TMEM108: variants seen among roughly 807,000 people sequenced by gnomAD.
TMEM108 encodes cancer/testis antigen 124.
In TMEM108, 12 loss-of-function variants were observed where a neutral mutation model predicts 35.1. The ratio of observed to expected loss-of-function variants is 0.34; its 90% CI spans 0.22 to 0.55. TMEM108 has a LOEUF of 0.55. Ranked by LOEUF, TMEM108 falls within the 20% of genes least tolerant of loss-of-function variation. The probability of loss-of-function intolerance (pLI) is 0.89; values close to 1 mark genes in which losing one functional copy is unlikely to be tolerated. For missense variants in TMEM108, 680 were observed against 753.3 expected, an observed-to-expected ratio of 0.90 and a Z score of 1.14; for synonymous variants, 287 against 308.6, an observed-to-expected ratio of 0.93 and a Z score of 0.73.
intron 2 of TMEM108, among the ~76,000 whole-genome samples, chr3:133,170,310 A>T (rs1456027220): frequency 1.3e-5 from 2 of 152,242 alleles, no homozygotes; most frequent in African/African-American, 4.8e-5. Flanking sequence ...AAGACAATGG[A>T]GGCCACCCAA....
intron 1 of TMEM108, among the ~76,000 whole-genome samples, chr3:133,040,589 T>G (rs909333360): frequency 6.6e-6 from 1 of 152,150 alleles, no homozygotes; most frequent in Non-Finnish European, 1.5e-5. Flanking sequence ...CACTTTTATT[T>G]TCAGAGGAGA....
chr3:133,127,368 C>T (rs1944430377), intron 2 of TMEM108, among the ~76,000 whole-genome samples: 1 of 152,222 alleles, frequency 6.6e-6, no homozygotes, highest in Non-Finnish European at 1.5e-5. Context: ...GAAAGGACTG[C>T]TTTCTCTAGC....
chr3:133,179,545 C>T (rs1196134207), intron 2 of TMEM108, among the ~76,000 whole-genome samples: 5 of 151,978 alleles, frequency 3.3e-5, no homozygotes, highest in Non-Finnish European at 5.9e-5. Context: ...TCTCAGCAAA[C>T]TATCACAAGG....
chr3:133,388,831 A>G (rs1327899793), intron 4 of TMEM108: 1 of 985,368 alleles, frequency 1.0e-6, no homozygotes, highest in Non-Finnish European at 1.2e-6. Context: ...AGCTTGTGCA[A>G]CTGCCCCACA....
At chr3:133,189,004 C>T (rs1945461231) in intron 2 of TMEM108, among the ~76,000 whole-genome samples, 1 of 152,030 alleles carries the variant, frequency 6.6e-6, no homozygotes, top group South Asian at 2.1e-4. Context: ...GGATCCAGGC[C>T]ATTAACTGGA....
At chr3:133,145,666 G>T (rs976146088) in intron 2 of TMEM108, among the ~76,000 whole-genome samples, 3 of 152,146 alleles carry the variant, frequency 2.0e-5, no homozygotes, top group Admixed American at 6.5e-5. Context: ...AGTTCTCCTT[G>T]AAGAGGTCCT....
At chr3:133,137,648 G>A (rs1242641735) in intron 2 of TMEM108, among the ~76,000 whole-genome samples, 1 of 152,126 alleles carries the variant, frequency 6.6e-6, no homozygotes, top group African/African-American at 2.4e-5. Context: ...CTTGTCACAA[G>A]GATAGATTAC....
At chr3:133,063,413 C>G (rs1454124727) in intron 2 of TMEM108, among the ~76,000 whole-genome samples, 2 of 152,146 alleles carry the variant, frequency 1.3e-5, no homozygotes, top group Non-Finnish European at 2.9e-5. Flanking sequence ...ATAACCCACT[C>G]TACCTCTAAG....
chr3:133,214,983 G>A (rs946663903), intron 2 of TMEM108, among the ~76,000 whole-genome samples: 2 of 152,060 alleles, frequency 1.3e-5, no homozygotes, highest in Non-Finnish European at 2.9e-5. Context: ...ACTGGTCCCT[G>A]GTGCCAAAAA....
At chr3:133,290,754 A>G (rs1335476503) in intron 3 of TMEM108, among the ~76,000 whole-genome samples, 1 of 152,266 alleles carries the variant, frequency 6.6e-6, no homozygotes, top group Non-Finnish European at 1.5e-5. Flanking sequence ...AAAAAGCAAA[A>G]GAAAATGGCG....
intron 1 of TMEM108, among the ~76,000 whole-genome samples, chr3:133,040,278 A>G: frequency 6.9e-6 from 1 of 145,466 alleles, no homozygotes; most frequent in Non-Finnish European, 1.5e-5. Context: ...ATCTCGGCTC[A>G]CTGTAACCTC....
Position 133,380,987 on chromosome 3 carries a change from A to G in TMEM108, c.1276A>G (p.Thr426Ala), listed in dbSNP as rs371752196. The G allele has an allele frequency of 6.8e-6, 11 of 1,614,048 alleles. No individual in the cohort carries two copies. The highest frequency in any genetic ancestry group is 8.5e-7 in the Non-Finnish European group (1 of 1,180,028). ...TCTCTCCACAGTGGTATCCACAGCC[A>G]CAGGCAATTTCCTCAACCGCCTGGT... ...SPLSTVVSTATGNFLNRLVPA... is the reference protein window; with the variant it reads ...SPLSTVVSTAAGNFLNRLVPA... The change falls in exon 4 of 6, where the codon ACA becomes GCA. Residue 426 changes from threonine to alanine, a missense_variant. By Grantham distance (58) the Thr-to-Ala change is moderately conservative (BLOSUM62 0). This residue lies in a region of TMEM108 where 526 missense variants were observed against 532.1 expected (regional missense o/e 0.99). Coordinates refer to ENST00000321871, the MANE Select transcript of TMEM108 (RefSeq NM_023943.4). This position sits in a 1 kb window ranked among gnomAD's most constrained non-coding sequence, Gnocchi z 5.3.
At position 133,064,424 on chromosome 3, in the gene TMEM108, A is replaced by G. The variant is rs76662069; in HGVS notation, c.-47+18404A>G. 5.7e-3 allele frequency among the ~76,000 whole-genome samples: 867 copies of G among 152,242 alleles called. 5 individuals carry two copies. The highest frequency in any genetic ancestry group is 0.02 in the African/African-American group (818 of 41,530). The stretch of plus-strand genomic sequence containing the variant: ...TGGGTCTTTAATATCTTTATTCTTT[A>G]TGTCACAGTCTGTTGAGCCCTAAAC... On this transcript the variant is annotated intron_variant, in intron 2 of 5. Coordinates refer to ENST00000321871, the MANE Select transcript of TMEM108 (RefSeq NM_023943.4).
intron 3 of TMEM108, among the ~76,000 whole-genome samples, chr3:133,337,362 C>T (rs1272928035): frequency 6.6e-6 from 1 of 152,138 alleles, no homozygotes; most frequent in Non-Finnish European, 1.5e-5. Context: ...GTGTGAGACT[C>T]CATTTATTTG....
intron 3 of TMEM108, among the ~76,000 whole-genome samples, chr3:133,282,166 TAAATA>T (rs937771556): frequency 5.3e-5 from 8 of 152,024 alleles, no homozygotes; most frequent in Admixed American, 1.3e-4. Context: ...CAAAAAAAAA[TAAATA>T]AAATAAAATA....
intron 2 of TMEM108, among the ~76,000 whole-genome samples, chr3:133,067,924 G>C (rs74361564): frequency 0.027 from 4,164 of 151,954 alleles, 99 homozygotes; most frequent in South Asian, 0.06. Context: ...AAAGAAACTG[G>C]AAAGTCCAAG....
At chr3:133,286,906 T>C (rs1946993456) in intron 3 of TMEM108, among the ~76,000 whole-genome samples, 1 of 152,210 alleles carries the variant, frequency 6.6e-6, no homozygotes, top group African/African-American at 2.4e-5. Context: ...TTGGATTGGT[T>C]TGATTTTTTT....
chr3:133,055,322 A>C (rs1559817662), intron 2 of TMEM108, among the ~76,000 whole-genome samples: 1 of 152,224 alleles, frequency 6.6e-6, no homozygotes, highest in Non-Finnish European at 1.5e-5. Flanking sequence ...GTGCATATAT[A>C]ATTTTTCTAC....
intron 2 of TMEM108, among the ~76,000 whole-genome samples, chr3:133,193,603 A>G (rs946652479): frequency 8.6e-5 from 13 of 151,890 alleles, no homozygotes; most frequent in Non-Finnish European, 1.5e-4. Context: ...ATGTGAAGCC[A>G]TCAGTGAAAC....
Sources: allele counts gnomAD v4.1 joint callset (sites outside exome capture counted in the v4.1 genomes callset), GRCh38; gene constraint gnomAD v4.1.1; regional missense constraint gnomAD v4.1.1; non-coding constraint Gnocchi (gnomAD v3.1); transcripts MANE v1.5; gene names NCBI Gene and HGNC (gene_info 2026-07-23, HGNC 2026-07-21).